Variants in TSPAN5 observed in about 807,000 individuals in gnomAD.
The protein encoded by TSPAN5 is tetraspanin-5.
TSPAN5 carries 10 observed loss-of-function variants against 37.1 expected under a neutral mutation model. The ratio of observed to expected loss-of-function variants is 0.27; its 90% confidence interval spans 0.17 to 0.46. The LOEUF (loss-of-function observed/expected upper bound fraction) is 0.46, where lower values mean the gene tolerates loss of function less well. Ranked by LOEUF, TSPAN5 falls within the 20% of genes least tolerant of loss-of-function variation. TSPAN5 has a pLI of 1.00. For synonymous variants in TSPAN5, 110 were observed against 118.9 expected (o/e 0.93, Z 0.48); for missense variants, 195 against 326.6 (o/e 0.60, Z 3.11).
chr4:98,524,539 T>G (rs539985305), intron 1 of TSPAN5, among the ~76,000 whole-genome samples: 5 of 152,120 alleles, frequency 3.3e-5, no homozygotes, highest in Non-Finnish European at 7.4e-5. Context: ...ATTTTAAACT[T>G]CCTCCTCTTA....
chr4:98,620,798 C>A (rs1756463924), intron 1 of TSPAN5, among the ~76,000 whole-genome samples: 1 of 152,202 alleles, frequency 6.6e-6, no homozygotes, highest in Non-Finnish European at 1.5e-5. Flanking sequence ...AGGCAGGGGT[C>A]AGACCACATT....
chr4:98,563,286 C>T (rs1294923135), intron 1 of TSPAN5, among the ~76,000 whole-genome samples: 1 of 151,710 alleles, frequency 6.6e-6, no homozygotes, highest in Non-Finnish European at 1.5e-5. Flanking sequence ...TGAAGAGGGG[C>T]AAATCTACTT....
chr4:98,495,073 A>G (rs1753170650), intron 2 of TSPAN5, among the ~76,000 whole-genome samples: 1 of 152,142 alleles, frequency 6.6e-6, no homozygotes, highest in Non-Finnish European at 1.5e-5. Flanking sequence ...GGCACATGGA[A>G]CCAGGAGCAA....
chr4:98,484,314 T>C, intron 3 of TSPAN5: 1 of 395,036 alleles, frequency 2.5e-6, no homozygotes. Flanking sequence ...GTTCCTAGAT[T>C]TTCCCTCAGC....
intron 1 of TSPAN5, among the ~76,000 whole-genome samples, chr4:98,584,846 T>C (rs1755450235): frequency 2.0e-5 from 3 of 152,202 alleles, no homozygotes; most frequent in Admixed American, 1.3e-4. Flanking sequence ...AGGCACAATT[T>C]ATCCTCAGAG....
intron 1 of TSPAN5, among the ~76,000 whole-genome samples, chr4:98,520,451 C>G (rs1395928274): frequency 2.0e-5 from 3 of 152,206 alleles, no homozygotes; most frequent in Non-Finnish European, 4.4e-5. Flanking sequence ...GAACTCAGGA[C>G]TGGCCTGGGG....
chr4:98,536,944 G>A (rs1302704287), intron 1 of TSPAN5, among the ~76,000 whole-genome samples: 1 of 152,152 alleles, frequency 6.6e-6, no homozygotes. Flanking sequence ...CTGTGGGGGT[G>A]GGACCCGCCG....
intron 4 of TSPAN5, among the ~76,000 whole-genome samples, chr4:98,479,956 T>A (rs1213631485): frequency 6.6e-6 from 1 of 152,140 alleles, no homozygotes; most frequent in Non-Finnish European, 1.5e-5. Flanking sequence ...ATGACCTAAA[T>A]CCCTCACTAA....
chr4:98,478,916 T>C, intron 4 of TSPAN5, 106 bp from the exon 5 acceptor site: 2 of 1,396,832 alleles, frequency 1.4e-6, no homozygotes, highest in Non-Finnish European at 2.0e-6. Context: ...TGACCTTCTT[T>C]TCTGTCCTAG....
chr4:98,484,165 A>C (rs562331447), intron 3 of TSPAN5: 1 of 259,370 alleles, frequency 3.9e-6, no homozygotes, highest in Non-Finnish European at 7.6e-6. Flanking sequence ...TTCATATAAA[A>C]TATTTGGCAG....
rs184916744 is a variant in TSPAN5 at position 98,604,656 on chromosome 4, G to T, written c.81+53490C>A. 9.2e-5 allele frequency among the ~76,000 whole-genome samples: 14 copies of T among 152,304 alleles called. No individual in the cohort carries two copies. The East Asian group carries it at 2.3e-3, about 25-fold the overall frequency. ...GTACGAACAAACTAGAATAAGCCCAGGGGGCTTACATTTAGAGAAATATCT... is the reference window on the plus strand; with the variant it reads ...GTACGAACAAACTAGAATAAGCCCATGGGGCTTACATTTAGAGAAATATCT... On this transcript the variant is annotated intron_variant, in intron 1 of 7. Transcript: ENST00000305798.
chr4:98,512,228 A>G (rs1753624449), intron 1 of TSPAN5, among the ~76,000 whole-genome samples: 1 of 152,182 alleles, frequency 6.6e-6, no homozygotes, highest in Non-Finnish European at 1.5e-5. Flanking sequence ...AAAAGAAAAA[A>G]AAAAGAAATT....
At chr4:98,516,403 G>C (rs1753729758) in intron 1 of TSPAN5, among the ~76,000 whole-genome samples, 1 of 152,222 alleles carries the variant, frequency 6.6e-6, no homozygotes, top group East Asian at 1.9e-4. Flanking sequence ...AAGTAGAAAA[G>C]AGACCCAGAG....
At chr4:98,564,690 A>T (rs1221309782) in intron 1 of TSPAN5, among the ~76,000 whole-genome samples, 3 of 151,486 alleles carry the variant, frequency 2.0e-5, no homozygotes, top group Non-Finnish European at 2.9e-5. Flanking sequence ...CTGTGTTTCT[A>T]AATTTTTTTT....
At chr4:98,548,660 C>T (rs28758777) in intron 1 of TSPAN5, among the ~76,000 whole-genome samples, 4 of 152,124 alleles carry the variant, frequency 2.6e-5, no homozygotes, top group Non-Finnish European at 4.4e-5. Flanking sequence ...ATTTTTCAAC[C>T]CTCACCTCCC....
At chr4:98,657,252 A>C (rs541619427) in intron 1 of TSPAN5, among the ~76,000 whole-genome samples, 1 of 152,338 alleles carries the variant, frequency 6.6e-6, no homozygotes, top group South Asian at 2.1e-4. Context: ...GCCTAATTAC[A>C]ATAGGTTCCC....
intron 1 of TSPAN5, among the ~76,000 whole-genome samples, chr4:98,534,734 C>T (rs925682059): frequency 1.3e-5 from 2 of 152,180 alleles, no homozygotes; most frequent in Non-Finnish European, 1.5e-5. Context: ...GGATAGTTAG[C>T]TCTTCTTGCT....
intron 1 of TSPAN5, among the ~76,000 whole-genome samples, chr4:98,565,486 T>C (rs1210944439): frequency 2.0e-5 from 3 of 152,166 alleles, no homozygotes; most frequent in African/African-American, 4.8e-5. Context: ...CATTTACTGA[T>C]TGACAATGTT....
chr4:98,524,201 G>A (rs1753913160), intron 1 of TSPAN5, among the ~76,000 whole-genome samples: 1 of 152,214 alleles, frequency 6.6e-6, no homozygotes, highest in East Asian at 1.9e-4. Context: ...AGATTGCAAA[G>A]AGGACCTAAA....
Sources: gnomAD v4.1 joint callset for allele counts (sites outside exome capture counted in the v4.1 genomes callset) on GRCh38, gnomAD v4.1.1 for gene constraint, MANE v1.5 for transcripts, NCBI Gene and HGNC (gene_info 2026-07-23, HGNC 2026-07-21) for gene names.